Variants in OR56A3 observed in about 807,000 individuals in gnomAD.
OR56A3 encodes the protein olfactory receptor family 56 subfamily A member 3.
A neutral mutation model predicts 17.5 loss-of-function variants in OR56A3; 23 were observed. The observed-to-expected ratio is 1.32, with a 90% CI of 0.95 to 1.87. The LOEUF (loss-of-function observed/expected upper bound fraction) is 1.87, where lower values mean the gene tolerates loss of function less well. OR56A3 is among the 40% of genes most tolerant of loss of function. The pLI is 0.00. For synonymous variants in OR56A3, 175 were observed against 150.6 expected, an observed-to-expected ratio of 1.16 and a Z score of -1.19; for missense variants, 366 against 380.1, an observed-to-expected ratio of 0.96 and a Z score of 0.31.
the OR56A3 span, among the ~76,000 whole-genome samples, chr11:6,009,609 A>G: frequency 4.6e-5 from 7 of 152,266 alleles, no homozygotes; most frequent in East Asian, 1.2e-3. Flanking sequence ...TCTGATGTCT[A>G]TTGCTGTTAA....
At chr11:6,002,729 G>A in the OR56A3 span, 1 of 1,614,110 alleles carries the variant, frequency 6.2e-7, no homozygotes, top group Non-Finnish European at 8.5e-7. Context: ...GGTCAAACCA[G>A]AAGATGGCCA....
chr11:5,986,459 C>A, the OR56A3 span: 3 of 1,613,966 alleles, frequency 1.9e-6, no homozygotes, highest in South Asian at 3.3e-5. Context: ...CGCCCTATGA[C>A]CCCTGGATGC....
the OR56A3 span, among the ~76,000 whole-genome samples, chr11:6,015,763 C>A: frequency 6.6e-6 from 1 of 152,206 alleles, no homozygotes; most frequent in South Asian, 2.1e-4. Context: ...GGCCAATTTC[C>A]TACTGCCTGT....
chr11:5,945,701 A>T (rs1847865923), intron 2 of OR56A3, among the ~76,000 whole-genome samples: 1 of 152,130 alleles, frequency 6.6e-6, no homozygotes. Flanking sequence ...GGCAGTTAAG[A>T]ACCTGGATTT....
At chr11:5,967,246 T>C in the OR56A3 span, 1 of 276,772 alleles carries the variant, frequency 3.6e-6, no homozygotes, top group Non-Finnish European at 6.7e-6. Flanking sequence ...TGGAATTATA[T>C]TTATCCTTTG....
At chr11:5,979,477 T>C in the OR56A3 span, among the ~76,000 whole-genome samples, 1 of 152,126 alleles carries the variant, frequency 6.6e-6, no homozygotes. Context: ...AATTTATCCA[T>C]TTTTTCTAGG....
At chr11:5,956,451 C>T in the OR56A3 span, among the ~76,000 whole-genome samples, 1 of 152,052 alleles carries the variant, frequency 6.6e-6, no homozygotes, top group East Asian at 1.9e-4. Flanking sequence ...TTTCTCACGT[C>T]AGTGTCTTTG....
At chr11:5,959,774 T>C in the OR56A3 span, among the ~76,000 whole-genome samples, 2 of 152,210 alleles carry the variant, frequency 1.3e-5, no homozygotes, top group Non-Finnish European at 2.9e-5. Flanking sequence ...TTCTCTTATG[T>C]TTTCTCTAGT....
At chr11:5,965,394 G>A in the OR56A3 span, among the ~76,000 whole-genome samples, 1 of 152,122 alleles carries the variant, frequency 6.6e-6, no homozygotes, top group Non-Finnish European at 1.5e-5. Flanking sequence ...CTTACCCGTG[G>A]CCAAATCAGT....
At chr11:6,006,321 A>C in the OR56A3 span, 1 of 152,172 alleles carries the variant, frequency 6.6e-6, no homozygotes, top group Non-Finnish European at 1.5e-5. Context: ...AGGCCTCCTA[A>C]TCTGAGAAAT....
the OR56A3 span, among the ~76,000 whole-genome samples, chr11:6,016,504 A>G: frequency 6.6e-6 from 1 of 152,112 alleles, no homozygotes; most frequent in Non-Finnish European, 1.5e-5. Flanking sequence ...CACACACACA[A>G]AAATTCTTTC....
chr11:5,968,922 C>T, the OR56A3 span, among the ~76,000 whole-genome samples: 3 of 152,116 alleles, frequency 2.0e-5, no homozygotes, highest in African/African-American at 7.2e-5. Context: ...AGGGTCCTTT[C>T]AGTAAGTAGT....
chr11:6,008,799 C>A, the OR56A3 span, among the ~76,000 whole-genome samples: 1 of 151,826 alleles, frequency 6.6e-6, no homozygotes, highest in Non-Finnish European at 1.5e-5. Flanking sequence ...AGAGGGAGAC[C>A]AAAATGTAAC....
the OR56A3 span, among the ~76,000 whole-genome samples, chr11:5,961,246 G>C: frequency 6.6e-6 from 1 of 152,244 alleles, no homozygotes; most frequent in Non-Finnish European, 1.5e-5. Flanking sequence ...CCCCATCTGG[G>C]AGGTGTACCC....
the OR56A3 span, among the ~76,000 whole-genome samples, chr11:6,013,959 G>A: frequency 3.3e-5 from 5 of 152,148 alleles, no homozygotes; most frequent in African/African-American, 9.7e-5. Flanking sequence ...GCTACCCAGA[G>A]GCCCAAGGAT....
At chr11:5,982,443 A>C in the OR56A3 span, among the ~76,000 whole-genome samples, 1 of 152,108 alleles carries the variant, frequency 6.6e-6, no homozygotes. Context: ...TCTGCTAGTG[A>C]AGGAGCTATG....
At chr11:5,994,923 C>A in the OR56A3 span, 1 of 751,102 alleles carries the variant, frequency 1.3e-6, no homozygotes, top group South Asian at 1.3e-5. Context: ...GTCTCCTTCT[C>A]ATTCTGGATG....
chr11:5,957,755 CT>C, the OR56A3 span, among the ~76,000 whole-genome samples: 29 of 152,064 alleles, frequency 1.9e-4, no homozygotes, highest in Middle Eastern at 3.4e-3. Context: ...ATTTTTAAAA[CT>C]TTTTTTTAAA....
chr11:5,965,081 TTTCCCATG>T, the OR56A3 span, among the ~76,000 whole-genome samples: 27 of 152,342 alleles, frequency 1.8e-4, no homozygotes, highest in East Asian at 4.8e-3. Context: ...AAATTATCCA[TTTCCCATG>T]TTCTTATAGG....
Sources: allele counts gnomAD v4.1 joint callset (sites outside exome capture counted in the v4.1 genomes callset), GRCh38; gene constraint gnomAD v4.1.1; transcripts MANE v1.5; gene names NCBI Gene and HGNC (gene_info 2026-07-23, HGNC 2026-07-21).